RGS7BP: variants seen among roughly 807,000 people sequenced by gnomAD.
RGS7BP encodes the protein regulator of G protein signaling 7-binding protein.
RGS7BP carries 9 observed loss-of-function variants against 31.3 expected under a neutral mutation model. That is an observed-to-expected ratio of 0.29 (90% CI 0.17 to 0.50). The LOEUF (loss-of-function observed/expected upper bound fraction) is 0.50, where lower values mean the gene tolerates loss of function less well. Ranked by LOEUF, RGS7BP falls within the 20% of genes least tolerant of loss-of-function variation. The pLI is 0.98. For synonymous variants in RGS7BP, 115 were observed against 120.1 expected (o/e 0.96, Z 0.28); for missense variants, 274 against 322.0 (o/e 0.85, Z 1.14).
intron 2 of RGS7BP, among the ~76,000 whole-genome samples, chr5:64,535,740 T>C (rs1561326135): frequency 2.0e-5 from 3 of 152,216 alleles, no homozygotes; most frequent in Non-Finnish European, 4.4e-5. Flanking sequence ...CAGGAAGACA[T>C]ACATCCTCCT....
chr5:64,547,815 C>A (rs956352791), intron 2 of RGS7BP, among the ~76,000 whole-genome samples: 6 of 152,080 alleles, frequency 3.9e-5, no homozygotes, highest in African/African-American at 1.4e-4. Context: ...GGTAATGGTT[C>A]TCTTTCCTCT....
chr5:64,506,304 T>A lies in RGS7BP; in HGVS notation c.-321T>A, dbSNP rs1315334510. The A allele has an allele frequency of 4.0e-6, 1 of 248,514 alleles. No individual in the cohort carries two copies. The highest frequency in any genetic ancestry group is 7.6e-6 in the Non-Finnish European group (1 of 131,110). The allele number at this position is 248,514 out of a possible 1,614,324, so 15.4% of individuals were successfully genotyped here. A position where few individuals can be genotyped will look rare whatever the true frequency, so the allele number is the denominator to read the frequency against. On this transcript the variant is annotated 5_prime_UTR_variant, in exon 1 of 6. Coordinates refer to ENST00000334025, the MANE Select transcript of RGS7BP (RefSeq NM_001029875.3). The surrounding 1 kb of genome is among the most constrained non-coding windows in gnomAD (Gnocchi z 4.6). ...CGGCGCGTTCCTTCTCGCCCAGCCT[T>A]GCAATCCATGCCGAGAGGAAGGCAG...
intron 2 of RGS7BP, among the ~76,000 whole-genome samples, chr5:64,508,708 C>T (rs1266849366): frequency 6.6e-6 from 1 of 152,134 alleles, no homozygotes; most frequent in African/African-American, 2.4e-5. Context: ...AATTTAAGTG[C>T]TTTGTTCAGT....
At chr5:64,604,503 A>C (rs913343680) in intron 5 of RGS7BP, among the ~76,000 whole-genome samples, 1 of 152,164 alleles carries the variant, frequency 6.6e-6, no homozygotes, top group Non-Finnish European at 1.5e-5. Context: ...CCTTGGACTT[A>C]GCAGGCCTTC....
intron 2 of RGS7BP, among the ~76,000 whole-genome samples, chr5:64,553,171 C>CT (rs542252038): frequency 0.6 from 71,038 of 118,216 alleles, 22,279 homozygotes; most frequent in South Asian, 0.7. Context: ...TTCTTTCTTT[C>CT]TTTTTTTTTT....
intron 2 of RGS7BP, chr5:64,539,477 G>A (rs1352699405): frequency 2.0e-5 from 3 of 152,148 alleles, no homozygotes; most frequent in Non-Finnish European, 4.4e-5. Flanking sequence ...TTTCTCTTAT[G>A]TTTTCTTTTA....
intron 2 of RGS7BP, among the ~76,000 whole-genome samples, chr5:64,562,871 G>A (rs1742086114): frequency 1.3e-5 from 2 of 152,144 alleles, no homozygotes; most frequent in Admixed American, 1.3e-4. Context: ...CCTTTAATGA[G>A]CCAGGCAGTA....
intron 2 of RGS7BP, among the ~76,000 whole-genome samples, chr5:64,565,516 TA>T (rs199800155): frequency 2.6e-5 from 4 of 151,790 alleles, no homozygotes; most frequent in Admixed American, 6.6e-5. Flanking sequence ...TAGTTTTTTT[TA>T]AAAAAAAGAA....
intron 5 of RGS7BP, chr5:64,601,489 G>C (rs997803432): frequency 1.1e-6 from 1 of 942,562 alleles, no homozygotes; most frequent in Non-Finnish European, 1.3e-6. Context: ...GAATTTTAAT[G>C]GTTAGTGATT....
intron 3 of RGS7BP, among the ~76,000 whole-genome samples, chr5:64,578,333 C>A (rs899661025): frequency 2.0e-5 from 3 of 152,218 alleles, no homozygotes; most frequent in Admixed American, 1.3e-4. Context: ...TTTGATTTCT[C>A]CCCTATGTAG....
chr5:64,600,857 T>C (rs1489291234), intron 5 of RGS7BP, among the ~76,000 whole-genome samples: 2 of 152,194 alleles, frequency 1.3e-5, no homozygotes, highest in Non-Finnish European at 2.9e-5. Flanking sequence ...GTGTCTGAAC[T>C]GGAGGATCCA....
At chr5:64,566,695 A>G (rs1742177858) in intron 2 of RGS7BP, among the ~76,000 whole-genome samples, 3 of 152,066 alleles carry the variant, frequency 2.0e-5, no homozygotes, top group South Asian at 2.1e-4. Context: ...AGTAGGGGAA[A>G]TTCCCTACTC....
chr5:64,523,073 C>T (rs781513529), intron 2 of RGS7BP, among the ~76,000 whole-genome samples: 1 of 152,138 alleles, frequency 6.6e-6, no homozygotes, highest in Non-Finnish European at 1.5e-5. Context: ...GGAGTGGGTA[C>T]TGCCAGGAGA....
At chr5:64,536,299 G>A (rs1465718911) in intron 2 of RGS7BP, among the ~76,000 whole-genome samples, 1 of 152,162 alleles carries the variant, frequency 6.6e-6, no homozygotes, top group East Asian at 1.9e-4. Context: ...GTGAGGAAGT[G>A]GAGAGCATAT....
At chr5:64,526,909 T>C (rs1326654772) in intron 2 of RGS7BP, among the ~76,000 whole-genome samples, 1 of 152,164 alleles carries the variant, frequency 6.6e-6, no homozygotes, top group African/African-American at 2.4e-5. Flanking sequence ...CCTCATTTGC[T>C]CTCCAGCCCT....
intron 2 of RGS7BP, among the ~76,000 whole-genome samples, chr5:64,517,736 T>C (rs1268504780): frequency 1.3e-5 from 2 of 152,178 alleles, no homozygotes; most frequent in Admixed American, 6.5e-5. Flanking sequence ...GGAAAAGATA[T>C]GAAGTTTAGA....
At chr5:64,513,921 A>G (rs1561318666) in intron 2 of RGS7BP, among the ~76,000 whole-genome samples, 1 of 152,270 alleles carries the variant, frequency 6.6e-6, no homozygotes, top group Non-Finnish European at 1.5e-5. Context: ...CCGCCATAAC[A>G]AAGTGCCACA....
At chr5:64,594,592 G>C in intron 3 of RGS7BP, 118 bp from the exon 4 acceptor site, 1 of 857,904 alleles carries the variant, frequency 1.2e-6, no homozygotes, top group Non-Finnish European at 1.9e-6. Flanking sequence ...AAGCTATTAG[G>C]GTTAATGGAA....
chr5:64,591,693 C>T (rs1274093941), intron 3 of RGS7BP, among the ~76,000 whole-genome samples: 4 of 152,090 alleles, frequency 2.6e-5, no homozygotes, highest in African/African-American at 9.7e-5. Flanking sequence ...AACCTAAATT[C>T]TTTATTATGG....
Sources: allele counts gnomAD v4.1 joint callset (sites outside exome capture counted in the v4.1 genomes callset), GRCh38; gene constraint gnomAD v4.1.1; non-coding constraint Gnocchi (gnomAD v3.1); transcripts MANE v1.5; gene names NCBI Gene and HGNC (gene_info 2026-07-23, HGNC 2026-07-21).